Variants in GLRA1 observed in about 807,000 individuals in gnomAD.
GLRA1 encodes the protein glycine receptor alpha 1.
Under a neutral mutation model 48.3 loss-of-function variants are expected in GLRA1, and 37 were observed. The ratio of observed to expected loss-of-function variants is 0.77; its 90% CI spans 0.59 to 1.01. GLRA1 has a LOEUF of 1.01. Ranked by LOEUF, GLRA1 falls within the 50% of genes least tolerant of loss-of-function variation. The pLI, the probability that GLRA1 is intolerant of heterozygous loss-of-function variation, is 0.00. For missense variants in GLRA1, 427 were observed against 571.0 expected, an observed-to-expected ratio of 0.75 and a Z score of 2.57; for synonymous variants, 196 against 210.7, an observed-to-expected ratio of 0.93 and a Z score of 0.60.
chr5:151,826,796 C>G (rs1763281267), intron 8 of GLRA1, among the ~76,000 whole-genome samples: 1 of 152,160 alleles, frequency 6.6e-6, no homozygotes, highest in Non-Finnish European at 1.5e-5. Context: ...TACATATCTT[C>G]AGGAGGCTCC....
intron 1 of GLRA1, among the ~76,000 whole-genome samples, chr5:151,918,248 T>C (rs1754785994): frequency 6.6e-6 from 1 of 152,178 alleles, no homozygotes; most frequent in African/African-American, 2.4e-5. Context: ...TCTGAATGAA[T>C]TTGCTGGCTG....
intron 1 of GLRA1, among the ~76,000 whole-genome samples, chr5:151,917,458 G>A (rs1187031560): frequency 1.3e-5 from 2 of 152,010 alleles, no homozygotes; most frequent in Non-Finnish European, 2.9e-5. Flanking sequence ...ACTTTATTGA[G>A]GTGTGATTGA....
intron 7 of GLRA1, among the ~76,000 whole-genome samples, chr5:151,834,252 G>T (rs1349712158): frequency 2.0e-5 from 3 of 152,086 alleles, no homozygotes; most frequent in Non-Finnish European, 4.4e-5. Flanking sequence ...AAATGCAAAA[G>T]AATGGAAATC....
intron 3 of GLRA1, among the ~76,000 whole-genome samples, chr5:151,878,348 T>C (rs1753677848): frequency 6.6e-6 from 1 of 152,216 alleles, no homozygotes; most frequent in Non-Finnish European, 1.5e-5. Flanking sequence ...TTAAAGGCAC[T>C]CGGTTTTATA....
chr5:151,892,107 G>T (rs549009584), intron 2 of GLRA1, among the ~76,000 whole-genome samples: 1 of 152,292 alleles, frequency 6.6e-6, no homozygotes, highest in East Asian at 1.9e-4. Flanking sequence ...GAAACCAGAG[G>T]TGCTGTTAAA....
At chr5:151,840,960 A>G (rs1763699346) in intron 7 of GLRA1, among the ~76,000 whole-genome samples, 1 of 152,166 alleles carries the variant, frequency 6.6e-6, no homozygotes, top group Admixed American at 6.5e-5. Flanking sequence ...CCTGCTTTTT[A>G]TAATGAATAG....
At chr5:151,889,009 C>T (rs1189489319) in intron 2 of GLRA1, among the ~76,000 whole-genome samples, 1 of 152,082 alleles carries the variant, frequency 6.6e-6, no homozygotes, top group Non-Finnish European at 1.5e-5. Flanking sequence ...TTGCCTCATG[C>T]CATTAAGATA....
At chr5:151,852,642 C>T (rs1752942333) in intron 6 of GLRA1, among the ~76,000 whole-genome samples, 1 of 152,190 alleles carries the variant, frequency 6.6e-6, no homozygotes, top group African/African-American at 2.4e-5. Flanking sequence ...CTTCTTGCAT[C>T]CATAGGGTCT....
chr5:151,862,419 C>A (rs1190435517), intron 3 of GLRA1, among the ~76,000 whole-genome samples: 2 of 152,174 alleles, frequency 1.3e-5, no homozygotes, highest in Non-Finnish European at 2.9e-5. Context: ...ACAAAATTGA[C>A]AAATGGGATC....
At chr5:151,829,178 G>A in intron 7 of GLRA1, 111 bp from the exon 8 acceptor site, 1 of 1,022,264 alleles carries the variant, frequency 9.8e-7, no homozygotes. Flanking sequence ...ACCCACTGCT[G>A]TCTGCTTCTC....
chr5:151,834,055 A>G (rs956018094), intron 7 of GLRA1, among the ~76,000 whole-genome samples: 2 of 152,110 alleles, frequency 1.3e-5, no homozygotes, highest in Non-Finnish European at 2.9e-5. Flanking sequence ...ACTGAAAATA[A>G]TATTAGATCA....
chr5:151,892,871 T>G (rs1191422137), intron 1 of GLRA1, among the ~76,000 whole-genome samples: 1 of 152,200 alleles, frequency 6.6e-6, no homozygotes, highest in Non-Finnish European at 1.5e-5. Flanking sequence ...TCCTCAAGGT[T>G]TATTTTCAGA....
At chr5:151,871,984 A>T (rs1214760638) in intron 3 of GLRA1, among the ~76,000 whole-genome samples, 1 of 149,882 alleles carries the variant, frequency 6.7e-6, no homozygotes, top group Non-Finnish European at 1.5e-5. Context: ...TCTCTACCAG[A>T]CATAGAAATA....
intron 3 of GLRA1, among the ~76,000 whole-genome samples, chr5:151,862,847 A>AT (rs1020612927): frequency 6.6e-6 from 1 of 151,950 alleles, no homozygotes; most frequent in South Asian, 2.1e-4. Context: ...CACCTCCCAC[A>AT]TTTTTTTTGT....
rs747623314 is a variant in GLRA1, at chr5:151,822,749, A to G, written c.1274T>C (p.Met425Thr). 3.9e-5 allele frequency: 63 copies of G among 1,613,874 alleles called. No homozygotes were observed. Among genetic ancestry groups the G allele is most frequent in the Non-Finnish European group, 5.0e-5 (59 of 1,179,880 alleles). The change falls in exon 9 of 9, where the codon ATG (methionine) becomes ACG (threonine). Residue 425 changes from methionine (M) to threonine (T), a missense_variant. Physicochemically the swap from Met to Thr is moderately conservative, Grantham distance 81 (BLOSUM62 -1). Around this residue, in one of 4 missense-constraint regions of GLRA1, gnomAD observed 121 missense variants for 96.5 expected, o/e 1.25. Coordinates refer to ENST00000274576, the MANE Select transcript of GLRA1 (RefSeq NM_000171.4). ...GAACATGTTGAAAATGAGGAAGGCC[A>G]TGGGGAAGCCAATGCGGGATATTTT... ...IDKISRIGFP[M>T]AFLIFNMFYW...
At chr5:151,908,830 C>T (rs1351208735) in intron 1 of GLRA1, among the ~76,000 whole-genome samples, 1 of 152,134 alleles carries the variant, frequency 6.6e-6, no homozygotes, top group Non-Finnish European at 1.5e-5. Flanking sequence ...GGGTGAGCCC[C>T]TCAATTTTCC....
chr5:151,900,727 A>G (rs1445420462), intron 1 of GLRA1, among the ~76,000 whole-genome samples: 1 of 152,128 alleles, frequency 6.6e-6, no homozygotes, highest in Non-Finnish European at 1.5e-5. Flanking sequence ...TGAAGTCATG[A>G]CAGTCCTGGT....
chr5:151,824,729 A>G (rs1581594136), intron 8 of GLRA1, among the ~76,000 whole-genome samples: 1 of 152,062 alleles, frequency 6.6e-6, no homozygotes, highest in South Asian at 2.1e-4. Flanking sequence ...CTCTCTGTAT[A>G]TATCTCCGTC....
chr5:151,921,986 G>A (rs1374370236), intron 1 of GLRA1, among the ~76,000 whole-genome samples: 4 of 152,078 alleles, frequency 2.6e-5, no homozygotes, highest in Admixed American at 6.6e-5. Context: ...TGGGATTTCC[G>A]CCTCATTCAC....
Sources: gnomAD v4.1 joint callset for allele counts (sites outside exome capture counted in the v4.1 genomes callset) on GRCh38, gnomAD v4.1.1 for gene constraint, gnomAD v4.1.1 regional missense constraint, MANE v1.5 for transcripts, NCBI Gene and HGNC (gene_info 2026-07-23, HGNC 2026-07-21) for gene names.